Variants in P3H1 observed in about 807,000 individuals in gnomAD.
The protein encoded by P3H1 is growth suppressor 1.
Under a neutral mutation model 84.0 loss-of-function variants are expected in P3H1, and 69 were observed. The observed-to-expected ratio is 0.82, with a 90% CI of 0.68 to 1.00. The LOEUF (loss-of-function observed/expected upper bound fraction) is 1.00, where lower values mean the gene tolerates loss of function less well. Among genes scored for constraint, P3H1 ranks in the 50% least tolerant of loss-of-function variants. P3H1 has a pLI of 0.00. For missense variants in P3H1, 878 were observed against 962.8 expected (o/e 0.91, Z 1.17); for synonymous variants, 366 against 388.8 (o/e 0.94, Z 0.69).
chr1:42,760,311 A>G (rs1251988960), intron 2 of P3H1: 1 of 151,728 alleles, frequency 6.6e-6, no homozygotes. Context: ...TTGTAGGGCT[A>G]ACAGTTTTCA....
intron 1 of P3H1, among the ~76,000 whole-genome samples, chr1:42,766,021 C>CCAACA (rs1553144413): frequency 5.0e-5 from 7 of 141,338 alleles, no homozygotes; most frequent in African/African-American, 2.0e-4. Flanking sequence ...CCCCCCGCCC[C>CCAACA]CACACACACA....
chr1:42,750,717 G>A (rs1272944803), intron 10 of P3H1, among the ~76,000 whole-genome samples: 21 of 126,606 alleles, frequency 1.7e-4, no homozygotes, highest in South Asian at 2.7e-4. Context: ...CCGCCCGGCC[G>A]GCCGCCCTGT....
At chr1:42,747,433 G>T (rs781043771) in intron 13 of P3H1, 21 bp from the exon 14 acceptor site, 8 of 1,602,910 alleles carry the variant, frequency 5.0e-6, no homozygotes, top group Non-Finnish European at 6.8e-6. Flanking sequence ...CAGAAAGGGA[G>T]GGGGGTTGCA....
chr1:42,752,643 C>A lies in P3H1; in HGVS notation c.1367G>T (p.Gly456Val). Reference protein sequence around the residue: ...TREGGPLLYEGISLTMNSKLL... With the variant: ...TREGGPLLYEVISLTMNSKLL... ...TTTGGAGTTCATGGTGAGACTGATG[C>A]CTTCATACAGCAGGGGGCCACCTGC... The change falls in exon 9 of 15, where the codon GGC (glycine) becomes GTC (valine). Residue 456 changes from glycine to valine, a missense_variant. Physicochemically the swap from Gly to Val is moderately radical, Grantham distance 109 (BLOSUM62 -3). Coordinates refer to ENST00000296388, the MANE Select transcript of P3H1 (RefSeq NM_022356.4). The A allele has an allele frequency of 6.2e-7, 1 of 1,614,162 alleles. No individual in the cohort carries two copies. The highest frequency in any genetic ancestry group is 8.5e-7 in the Non-Finnish European group (1 of 1,180,028).
intron 13 of P3H1, 27 bp from the exon 14 acceptor site, chr1:42,747,439 T>C (rs1238111535): frequency 1.3e-6 from 2 of 1,599,210 alleles, no homozygotes; most frequent in Non-Finnish European, 1.7e-6. Context: ...GGGAGGGGGG[T>C]TGCACAGGAC....
chr1:42,762,121 TAA>T, intron 2 of P3H1, 200 bp downstream of exon 2: 1 of 543,328 alleles, frequency 1.8e-6, no homozygotes, highest in South Asian at 2.1e-5. Context: ...TAATGTCATT[TAA>T]AAAAAAACAA....
chr1:42,752,438 G>A, intron 9 of P3H1, 69 bp from the exon 10 acceptor site: 1 of 1,609,544 alleles, frequency 6.2e-7, no homozygotes, highest in South Asian at 1.1e-5. Flanking sequence ...GTGGTCAACT[G>A]TGGCCAGGAA....
In P3H1 at chr1:42,758,991, G is replaced by T; in HGVS notation, c.809-8C>A. On this transcript the variant is annotated splice_polypyrimidine_tract_variant and splice_region_variant and intron_variant, in intron 3 of 14. Transcript: ENST00000296388. Reference sequence around the variant, plus strand: ...GGACCTGGATGTAATGATCTGAAAGGAATCAAACAGAAGGAATAACTATGA... The same window carrying T: ...GGACCTGGATGTAATGATCTGAAAGTAATCAAACAGAAGGAATAACTATGA... 6.2e-7 allele frequency: 1 copy of T among 1,614,044 alleles called. No individual in the cohort carries two copies. Among genetic ancestry groups the T allele is most frequent in the Non-Finnish European group, 8.5e-7 (1 of 1,179,930 alleles).
chr1:42,758,680 C>T (rs1424961047), intron 4 of P3H1, among the ~76,000 whole-genome samples, 172 bp downstream of exon 4: 4 of 152,190 alleles, frequency 2.6e-5, no homozygotes, highest in Non-Finnish European at 5.9e-5. Context: ...GTATTGGCTT[C>T]CTAGGCCAGT....
At position 42,746,419 on chromosome 1, in the gene P3H1, A is replaced by C; in HGVS notation, c.*278T>G. Reference sequence around the variant, plus strand: ...TTATTCTTTGGTTGTCTACACAGACACTTAAGTACTGTATCGCTGTCATGC... The same window carrying C: ...TTATTCTTTGGTTGTCTACACAGACCCTTAAGTACTGTATCGCTGTCATGC... On this transcript the variant is annotated 3_prime_UTR_variant, in exon 15 of 15. Coordinates refer to ENST00000296388, the MANE Select transcript of P3H1 (RefSeq NM_022356.4). 2.1e-6 allele frequency: 1 copy of C among 469,068 alleles called. No individual in the cohort carries two copies. The highest frequency in any genetic ancestry group is 3.8e-6 in the Non-Finnish European group (1 of 262,624). 29.1% of individuals were successfully genotyped at this position (469,068 alleles called of 1,614,324 possible). A position where few individuals can be genotyped will look rare whatever the true frequency, so the allele number is the denominator to read the frequency against.
At position 42,755,153 on chromosome 1, in the gene P3H1, C is replaced by T. The variant is rs746878717; in HGVS notation, c.1223+12G>A. 24 of 1,614,012 alleles carry T rather than the reference C, an allele frequency of 1.5e-5. No individual in the cohort carries two copies. The Admixed American group carries it at 4.0e-4, about 27-fold the overall frequency. On this transcript the variant is annotated intron_variant, in intron 7 of 14. Coordinates refer to ENST00000296388, the MANE Select transcript of P3H1 (RefSeq NM_022356.4). ...GACTGATCCAACCATGCAGTTTCTTCAAGGTCCTCACTTCTGTTTCTCTTG... is the reference window on the plus strand; with the variant it reads ...GACTGATCCAACCATGCAGTTTCTTTAAGGTCCTCACTTCTGTTTCTCTTG...
In P3H1 at chr1:42,754,995, G is replaced by T; in HGVS notation, c.1224-5C>A. On this transcript the variant is annotated splice_region_variant and splice_polypyrimidine_tract_variant and intron_variant, in intron 7 of 14. Coordinates refer to ENST00000296388, the MANE Select transcript of P3H1 (RefSeq NM_022356.4). This position sits in a 1 kb window ranked among gnomAD's most constrained non-coding sequence, Gnocchi z 4.0. ...ACGGCTGTTTCCCGTTCTGACCTATGAGCACAGCCGCTCTGAGGACTGCAT... is the reference window on the plus strand; with the variant it reads ...ACGGCTGTTTCCCGTTCTGACCTATTAGCACAGCCGCTCTGAGGACTGCAT... 1 of 1,614,122 alleles carries T rather than the reference G, an allele frequency of 6.2e-7. No individual in the cohort carries two copies. The highest frequency in any genetic ancestry group is 1.1e-5 in the South Asian group (1 of 91,070).
chr1:42,748,057 G>C (rs979329610), intron 12 of P3H1, 143 bp downstream of exon 12: 1 of 705,276 alleles, frequency 1.4e-6, no homozygotes, highest in East Asian at 2.7e-5. Flanking sequence ...TATCCAGCGG[G>C]TTTGGGGATA....
chr1:42,750,367 CA>C lies in P3H1; in HGVS notation c.1570-32del, dbSNP rs774094091. The C allele has an allele frequency of 3.7e-6, 6 of 1,613,042 alleles. No individual in the cohort carries two copies. In the Admixed American group the frequency reaches 1.0e-4, roughly 27 times the overall value. On this transcript the variant is annotated intron_variant, in intron 10 of 14. Coordinates refer to ENST00000296388, the MANE Select transcript of P3H1 (RefSeq NM_022356.4). ...AAGGAGACAGATGGTCAGCTGCCCTCAACGACTGATATGGTTTGGCTCTGTG... is the reference window on the plus strand; with the variant it reads ...AAGGAGACAGATGGTCAGCTGCCCTCACGACTGATATGGTTTGGCTCTGTG...
At chr1:42,747,534 AC>A in intron 13 of P3H1, 122 bp from the exon 14 acceptor site, 1 of 1,144,388 alleles carries the variant, frequency 8.7e-7, no homozygotes. Context: ...CTTCCCTAAG[AC>A]CAGAACTAAA....
At chr1:42,759,426 A>C (rs754003187) in intron 2 of P3H1, 36 bp from the exon 3 acceptor site, 1 of 1,597,388 alleles carries the variant, frequency 6.3e-7, no homozygotes, top group Non-Finnish European at 8.6e-7. Context: ...TGCAGGCCAC[A>C]GAGGAGGAAC....
intron 11 of P3H1, chr1:42,748,746 C>A: frequency 1.9e-5 from 5 of 269,926 alleles, no homozygotes; most frequent in Non-Finnish European, 2.2e-5. Context: ...AGCTGGCTAG[C>A]AAAGGGAAAG....
chr1:42,766,683 G>C lies in P3H1; in HGVS notation c.289C>G (p.Gln97Glu). 1 of 1,526,192 alleles carries C rather than the reference G, an allele frequency of 6.6e-7. No homozygotes were observed. Among genetic ancestry groups the C allele is most frequent in the Non-Finnish European group, 8.8e-7 (1 of 1,137,720 alleles). The allele number at this position is 1,526,192 out of a possible 1,614,324, so 94.5% of individuals were successfully genotyped here. ...LDPDWSPSPA[Q>E]ASGAAALRDL... Reference sequence around the variant, plus strand: ...CGCAGGGCGGCGGCGCCCGAGGCCTGGGCCGGGCTGGGGGACCAGTCGGGG... The same window carrying C: ...CGCAGGGCGGCGGCGCCCGAGGCCTCGGCCGGGCTGGGGGACCAGTCGGGG... The change falls in exon 1 of 15, where the codon CAG (glutamine) becomes GAG (glutamate). Residue 97 changes from glutamine to glutamate, a missense_variant. Physicochemically the swap from Gln to Glu is conservative, Grantham distance 29. Transcript: ENST00000296388.
Position 42,766,689 on chromosome 1 carries a change from G to A in P3H1, c.283C>T (p.Pro95Ser), listed in dbSNP as rs1209146049. The A allele has an allele frequency of 2.0e-6, 3 of 1,529,092 alleles. No homozygotes were observed. The highest frequency in any genetic ancestry group is 1.4e-5 in the African/African-American group (1 of 71,900). 94.7% of individuals were successfully genotyped at this position (1,529,092 alleles called of 1,614,324 possible). ...GCGGCGGCGCCCGAGGCCTGGGCCGGGCTGGGGGACCAGTCGGGGTCCAGC... is the reference window on the plus strand; with the variant it reads ...GCGGCGGCGCCCGAGGCCTGGGCCGAGCTGGGGGACCAGTCGGGGTCCAGC... ...WELDPDWSPSPAQASGAAALR... is the reference protein window; with the variant it reads ...WELDPDWSPSSAQASGAAALR... Residue 95 changes from proline to serine, a missense_variant, in exon 1 of 15, where the codon CCG (proline) becomes TCG (serine). Pro to Ser is a moderately conservative substitution (Grantham distance 74). Coordinates refer to ENST00000296388, the MANE Select transcript of P3H1 (RefSeq NM_022356.4).
Sources: allele counts gnomAD v4.1 joint callset (sites outside exome capture counted in the v4.1 genomes callset), GRCh38; gene constraint gnomAD v4.1.1; non-coding constraint Gnocchi (gnomAD v3.1); transcripts MANE v1.5; gene names NCBI Gene and HGNC (gene_info 2026-07-23, HGNC 2026-07-21).